Variants in CD55 observed in about 807,000 individuals in gnomAD.
CD55 encodes CD55 molecule (Cromer blood group).
CD55 carries 41 observed loss-of-function variants against 45.8 expected under a neutral mutation model. The observed-to-expected ratio is 0.90, with a 90% CI of 0.70 to 1.16. The LOEUF is 1.16. Ranked by LOEUF, CD55 falls within the 50% of genes most tolerant of loss-of-function variation. The pLI, the probability that CD55 is intolerant of heterozygous loss-of-function variation, is 0.00. For missense variants in CD55, 416 were observed against 469.8 expected (o/e 0.89, Z 1.06); for synonymous variants, 181 against 181.1 (o/e 1.00, Z 0.01).
rs1162334590 is a variant in CD55 at position 207,331,262 on chromosome 1, A to C, written c.819A>C (p.Glu273Asp). ...HSIYCTVNND[E>D]GEWSGPPPEC... Reference sequence around the variant, plus strand: ...TTTATTGTACTGTGAATAATGATGAAGGAGAGTGGAGTGGCCCACCACCTG... The same window carrying C: ...TTTATTGTACTGTGAATAATGATGACGGAGAGTGGAGTGGCCCACCACCTG... Residue 273 changes from glutamate to aspartate, a missense_variant, in exon 6 of 10, where the codon GAA (glutamate) becomes GAC (aspartate). Coordinates refer to ENST00000367064, the MANE Select transcript of CD55 (RefSeq NM_000574.5). 6.2e-7 allele frequency: 1 copy of C among 1,613,742 alleles called. No individual in the cohort carries two copies. Among genetic ancestry groups the C allele is most frequent in the East Asian group, 2.2e-5 (1 of 44,868 alleles).
intron 9 of CD55, among the ~76,000 whole-genome samples, chr1:207,347,739 C>T (rs548757128): frequency 6.6e-6 from 1 of 152,324 alleles, no homozygotes; most frequent in East Asian, 1.9e-4. Context: ...TCCCACCTTC[C>T]ATTCTCAAAT....
intron 9 of CD55, chr1:207,354,279 A>G (rs1655998885): frequency 2.0e-6 from 2 of 978,284 alleles, no homozygotes; most frequent in Non-Finnish European, 2.4e-6. Context: ...TTCTATGGCA[A>G]TAAACTGACT....
chr1:207,324,443 A>G (rs1175996401), intron 2 of CD55, 116 bp from the exon 3 acceptor site: 8 of 584,934 alleles, frequency 1.4e-5, no homozygotes, highest in Non-Finnish European at 1.2e-5. Flanking sequence ...GTTAAGTACT[A>G]AATATGCGCA....
At position 207,321,865 on chromosome 1, in the gene CD55, G is replaced by A; in HGVS notation, c.100G>A (p.Gly34Ser). Residue 34 changes from glycine to serine, a missense_variant and splice_region_variant, in exon 1 of 10, where the codon GGT (glycine) becomes AGT (serine). By Grantham distance (56) the Gly-to-Ser change is moderately conservative. Transcript: ENST00000367064. The stretch of plus-strand genomic sequence containing the variant: ...GCTGTTGTGCCTGCCGGCCGTGTGG[G>A]GTGAGTAGGGGCCCGGCGGCCGGGG... ...LVLLCLPAVW[G>S]DCGLPPDVPN... 1.3e-6 allele frequency: 2 copies of A among 1,522,594 alleles called. No homozygotes were observed. The highest frequency in any genetic ancestry group is 1.8e-6 in the Non-Finnish European group (2 of 1,139,708). The allele number at this position is 1,522,594 out of a possible 1,614,324, so 94.3% of individuals were successfully genotyped here. A position where few individuals can be genotyped will look rare whatever the true frequency, so the allele number is the denominator to read the frequency against.
intron 8 of CD55, among the ~76,000 whole-genome samples, chr1:207,338,465 G>T (rs1655280387): frequency 6.6e-6 from 1 of 152,052 alleles, no homozygotes. Flanking sequence ...TTATAAATTT[G>T]TTATAGAACT....
intron 5 of CD55, 34 bp downstream of exon 5, chr1:207,326,871 G>A: frequency 7.3e-7 from 1 of 1,378,858 alleles, no homozygotes; most frequent in Non-Finnish European, 1.0e-6. Context: ...CTCAGATTGT[G>A]AGGCTGAGTA....
chr1:207,338,151 C>A (rs1405976525), intron 8 of CD55, among the ~76,000 whole-genome samples: 1 of 152,094 alleles, frequency 6.6e-6, no homozygotes, highest in East Asian at 1.9e-4. Context: ...AATTACTGCC[C>A]TGAAACTGAT....
In CD55 at chr1:207,324,703, C is replaced by T; in HGVS notation, c.431C>T (p.Thr144Ile). 1 of 1,613,318 alleles carries T rather than the reference C, an allele frequency of 6.2e-7. No individual in the cohort carries two copies. Among genetic ancestry groups the T allele is most frequent in the Non-Finnish European group, 8.5e-7 (1 of 1,179,678 alleles). Reference protein sequence around the residue: ...RREPSLSPKLTCLQNLKWSTA... With the variant: ...RREPSLSPKLICLQNLKWSTA... The stretch of plus-strand genomic sequence containing the variant: ...GAACCTTCTCTATCACCAAAACTAA[C>T]TTGCCTTCAGAATTTAAAATGGTCC... Residue 144 changes from threonine (T) to isoleucine (I), a missense_variant, in exon 3 of 10, where the codon ACT becomes ATT. By Grantham distance (89) the Thr-to-Ile change is moderately conservative. Coordinates refer to ENST00000367064, the MANE Select transcript of CD55 (RefSeq NM_000574.5).
At chr1:207,357,889 C>T (rs1656137361) in intron 9 of CD55, among the ~76,000 whole-genome samples, 1 of 152,076 alleles carries the variant, frequency 6.6e-6, no homozygotes, top group Non-Finnish European at 1.5e-5. Flanking sequence ...AAATGAGGCA[C>T]AGTAAGAGAT....
In CD55 at chr1:207,337,320, A is replaced by T; in HGVS notation, c.980-9A>T. 1 of 1,568,772 alleles carries T rather than the reference A, an allele frequency of 6.4e-7. No homozygotes were observed. The highest frequency in any genetic ancestry group is 8.8e-7 in the Non-Finnish European group (1 of 1,138,904). On this transcript the variant is annotated splice_polypyrimidine_tract_variant and intron_variant, in intron 7 of 9. Coordinates refer to ENST00000367064, the MANE Select transcript of CD55 (RefSeq NM_000574.5). ...AGTACACAAAGATTCCCTTCTGCTC[A>T]TATTACAGCAACACGGAGTACACCT...
intron 4 of CD55, 103 bp from the exon 5 acceptor site, chr1:207,326,649 C>T: frequency 6.1e-6 from 5 of 819,746 alleles, no homozygotes; most frequent in East Asian, 2.5e-5. Context: ...TTATATTCAC[C>T]TAATTGTGTA....
intron 1 of CD55, 132 bp downstream of exon 1, chr1:207,321,997 C>CT: frequency 3.1e-6 from 2 of 649,104 alleles, no homozygotes; most frequent in South Asian, 3.8e-5. Flanking sequence ...TCCCGCCGTC[C>CT]TGTGCCTTTA....
chr1:207,328,836 C>T (rs1430245708), intron 5 of CD55, among the ~76,000 whole-genome samples: 2 of 152,194 alleles, frequency 1.3e-5, no homozygotes, highest in African/African-American at 4.8e-5. Context: ...CTCCTGTGGA[C>T]TATTGCAATT....
chr1:207,338,516 A>C (rs1558150852), intron 8 of CD55, among the ~76,000 whole-genome samples: 1 of 152,184 alleles, frequency 6.6e-6, no homozygotes, highest in Non-Finnish European at 1.5e-5. Flanking sequence ...AGTATAAGAT[A>C]ATTTAAGACA....
At position 207,360,930 on chromosome 1, in the gene CD55, G is replaced by C. The variant is rs552358820; in HGVS notation, c.*1320G>C. On this transcript the variant is annotated 3_prime_UTR_variant, in exon 10 of 10. Transcript: ENST00000367064. Reference sequence around the variant, plus strand: ...GGCATTTCACTGTAAAGACTTTAATGTGTATTTCTTAAAATAAAACTTTTT... The same window carrying C: ...GGCATTTCACTGTAAAGACTTTAATCTGTATTTCTTAAAATAAAACTTTTT... 4 of 152,116 alleles carry C rather than the reference G, an allele frequency of 2.6e-5. No homozygotes were observed. The highest frequency in any genetic ancestry group is 4.4e-5 in the Non-Finnish European group (3 of 67,996). The allele number at this position is 152,116 out of a possible 1,614,324, so 9.4% of individuals were successfully genotyped here. A position where few individuals can be genotyped will look rare whatever the true frequency, so the allele number is the denominator to read the frequency against.
chr1:207,339,210 G>A (rs777443201), intron 8 of CD55, among the ~76,000 whole-genome samples, 187 bp from the exon 9 acceptor site: 4 of 137,438 alleles, frequency 2.9e-5, no homozygotes, highest in Admixed American at 7.7e-5. Context: ...AGACAGTAAT[G>A]TTTACATTCT....
chr1:207,339,067 T>C (rs915562585), intron 8 of CD55, among the ~76,000 whole-genome samples: 2 of 152,182 alleles, frequency 1.3e-5, no homozygotes, highest in African/African-American at 4.8e-5. Flanking sequence ...TCAGCAATTA[T>C]TTACTGTTTA....
Position 207,326,827 on chromosome 1 carries a change from A to G in CD55, c.654A>G (p.Pro218=). 2 of 1,612,844 alleles carry G rather than the reference A, an allele frequency of 1.2e-6. No homozygotes were observed. Among genetic ancestry groups the G allele is most frequent in the Non-Finnish European group, 1.7e-6 (2 of 1,178,896 alleles). Residue 218 remains proline (P), a synonymous_variant, in exon 5 of 10, where the codon CCA becomes CCG. Coordinates refer to ENST00000367064, the MANE Select transcript of CD55 (RefSeq NM_000574.5). ...CTGTCCAGTGGAGTGACCCGTTGCC[A>G]GAGTGCAGAGGTAAGAGTTAAAAAA... ...GSSVQWSDPL[P]ECREIYCPAP...
At chr1:207,347,276 T>TG in intron 9 of CD55, 1 of 450,028 alleles carries the variant, frequency 2.2e-6, no homozygotes, top group Non-Finnish European at 4.5e-6. Context: ...TTTTTTTTTT[T>TG]TTAGACGGAA....
Sources: allele counts gnomAD v4.1 joint callset (sites outside exome capture counted in the v4.1 genomes callset), GRCh38; gene constraint gnomAD v4.1.1; transcripts MANE v1.5; gene names NCBI Gene and HGNC (gene_info 2026-07-23, HGNC 2026-07-21).